WDR11: variants seen among roughly 807,000 people sequenced by gnomAD.
WDR11 encodes WD repeat domain 11, also known as WD repeat-containing protein 11.
WDR11 carries 83 observed loss-of-function variants against 151.2 expected under a neutral mutation model. That is an observed-to-expected ratio of 0.55 (90% CI 0.46 to 0.66). The LOEUF (loss-of-function observed/expected upper bound fraction) is 0.66. Ranked by LOEUF, WDR11 falls within the 30% of genes least tolerant of loss-of-function variation. The probability of loss-of-function intolerance (pLI) is 0.00; values close to 1 mark genes in which losing one functional copy is unlikely to be tolerated. For missense variants in WDR11, 1,301 were observed against 1,480.9 expected (o/e 0.88, Z 1.99); for synonymous variants, 484 against 533.1 (o/e 0.91, Z 1.27).
At chr10:120,903,354 T>C in intron 23 of WDR11, 122 bp downstream of exon 23, 1 of 1,270,810 alleles carries the variant, frequency 7.9e-7, no homozygotes, top group Non-Finnish European at 1.1e-6. Context: ...AAATAAGCCC[T>C]TGAAAATTAG....
chr10:120,908,204 G>A (rs1415569433), intron 28 of WDR11: 1 of 276,526 alleles, frequency 3.6e-6, no homozygotes, highest in Non-Finnish European at 7.0e-6. Flanking sequence ...ACTTTCAAAT[G>A]GAATGAGGAT....
chr10:120,892,787 GTT>G (rs1327202937), intron 19 of WDR11, among the ~76,000 whole-genome samples: 1 of 152,084 alleles, frequency 6.6e-6, no homozygotes, highest in Non-Finnish European at 1.5e-5. Context: ...TAGAATTCCT[GTT>G]TTTGAGTTGG....
chr10:120,864,081 A>G (rs1397863015), intron 5 of WDR11, among the ~76,000 whole-genome samples: 1 of 152,198 alleles, frequency 6.6e-6, no homozygotes, highest in African/African-American at 2.4e-5. Flanking sequence ...TTCTTCAAGT[A>G]GAACCGCTCT....
At chr10:120,875,813 G>GTT (rs60750446) in intron 11 of WDR11, among the ~76,000 whole-genome samples, 4 of 150,280 alleles carry the variant, frequency 2.7e-5, no homozygotes, top group Non-Finnish European at 4.4e-5. Flanking sequence ...CCAGTTTCCA[G>GTT]TTTTTTTTTA....
chr10:120,897,069 A>T (rs950699997), intron 19 of WDR11, among the ~76,000 whole-genome samples: 8 of 152,192 alleles, frequency 5.3e-5, no homozygotes, highest in Admixed American at 3.9e-4. Context: ...TTGAAAAACC[A>T]AGGAGGACCT....
At position 120,880,656 on chromosome 10, in the gene WDR11, C is replaced by CA. The variant is rs11453234; in HGVS notation, c.1664-159dup. ...CCTGGGTAACAAAGTGAGACCATCT[C>CA]AAAAAAAAAAACCCGAAAAAACAGA... On this transcript the variant is annotated intron_variant, in intron 12 of 28. Transcript: ENST00000263461. The CA allele has an allele frequency of 0.35, 178,389 of 516,690 alleles. 10,365 individuals carry two copies. Among genetic ancestry groups the CA allele is most frequent in the Admixed American group, 0.42 (12,439 of 29,680 alleles). 32.0% of individuals were successfully genotyped at this position (516,690 alleles called of 1,614,324 possible).
chr10:120,892,461 T>C (rs1847458935), intron 19 of WDR11, among the ~76,000 whole-genome samples: 1 of 152,190 alleles, frequency 6.6e-6, no homozygotes, highest in African/African-American at 2.4e-5. Context: ...AAAACTATGG[T>C]AGTGTAAATG....
rs1001995810 is a variant in WDR11, at chr10:120,908,891, T to C, written c.*178T>C. 4 of 679,786 alleles carry C rather than the reference T, an allele frequency of 5.9e-6. No individual in the cohort carries two copies. In the Admixed American group the frequency reaches 7.3e-5, roughly 12 times the overall value. 42.1% of individuals were successfully genotyped at this position (679,786 alleles called of 1,614,324 possible). A position where few individuals can be genotyped will look rare whatever the true frequency, so the allele number is the denominator to read the frequency against. ...ATAAGCATCTATGTTGAGAGTAAGT[T>C]TGTATCCTGCGTTGGTCTCAGAAAG... On this transcript the variant is annotated 3_prime_UTR_variant, in exon 29 of 29. Coordinates refer to ENST00000263461, the MANE Select transcript of WDR11 (RefSeq NM_018117.12).
At chr10:120,875,863 T>C (rs1449291973) in intron 11 of WDR11, among the ~76,000 whole-genome samples, 1 of 152,098 alleles carries the variant, frequency 6.6e-6, no homozygotes, top group African/African-American at 2.4e-5. Context: ...TTTTCTGTTT[T>C]CTGTACATTA....
chr10:120,905,172 T>A, intron 25 of WDR11, 147 bp from the exon 26 acceptor site: 1 of 801,280 alleles, frequency 1.2e-6, no homozygotes, highest in South Asian at 1.5e-5. Context: ...ACTCTTAATA[T>A]TATGTTTCAG....
intron 10 of WDR11, among the ~76,000 whole-genome samples, chr10:120,873,377 T>C (rs1224357754): frequency 6.6e-6 from 1 of 152,188 alleles, no homozygotes; most frequent in African/African-American, 2.4e-5. Flanking sequence ...CTTTACTCTC[T>C]TGTCAGGATT....
At chr10:120,890,967 C>G in intron 19 of WDR11, 80 bp downstream of exon 19, 1 of 1,389,518 alleles carries the variant, frequency 7.2e-7, no homozygotes, top group African/African-American at 1.4e-5. Flanking sequence ...GAGAGAGCTG[C>G]TGCTTCTGTT....
intron 20 of WDR11, among the ~76,000 whole-genome samples, chr10:120,900,672 C>T (rs1847781715): frequency 6.6e-6 from 1 of 152,192 alleles, no homozygotes; most frequent in African/African-American, 2.4e-5. Context: ...ACTGTCTCCT[C>T]AGAATATTCA....
At chr10:120,899,858 T>C (rs1306016548) in intron 19 of WDR11, 171 bp from the exon 20 acceptor site, 3 of 633,382 alleles carry the variant, frequency 4.7e-6, no homozygotes, top group Non-Finnish European at 8.4e-6. Flanking sequence ...GCAGAGACTC[T>C]CTCTGCTCTT....
chr10:120,896,975 A>G (rs995112789), intron 19 of WDR11, among the ~76,000 whole-genome samples: 1 of 152,170 alleles, frequency 6.6e-6, no homozygotes, highest in Non-Finnish European at 1.5e-5. Context: ...AGCTCTTTGG[A>G]CAAAAAGTTT....
chr10:120,903,313 A>G, intron 23 of WDR11, 81 bp downstream of exon 23: 1 of 1,527,870 alleles, frequency 6.5e-7, no homozygotes, highest in South Asian at 1.2e-5. Context: ...AACTTGGGAA[A>G]CTTTCAAACT....
chr10:120,866,385 C>T (rs1265989989), intron 7 of WDR11, among the ~76,000 whole-genome samples, 184 bp from the exon 8 acceptor site: 2 of 151,930 alleles, frequency 1.3e-5, no homozygotes, highest in Non-Finnish European at 2.9e-5. Flanking sequence ...AAACTTAGTA[C>T]AGTCATTAAG....
At chr10:120,858,620 G>C (rs1168812703) in intron 2 of WDR11, 23 bp from the exon 3 acceptor site, 3 of 1,613,950 alleles carry the variant, frequency 1.9e-6, no homozygotes, top group African/African-American at 1.3e-5. Flanking sequence ...GTATTTACTT[G>C]ATCTGATTTC....
At chr10:120,889,555 G>T in intron 17 of WDR11, 1 of 410,386 alleles carries the variant, frequency 2.4e-6, no homozygotes, top group Non-Finnish European at 4.5e-6. Context: ...ATGACATCTT[G>T]ATATGGTTCC....
Sources: allele counts gnomAD v4.1 joint callset (sites outside exome capture counted in the v4.1 genomes callset), GRCh38; gene constraint gnomAD v4.1.1; transcripts MANE v1.5; gene names NCBI Gene and HGNC (gene_info 2026-07-23, HGNC 2026-07-21).